The following GPHN variants were observed in gnomAD, a reference collection of about 807,000 sequenced individuals.
GPHN encodes the protein gephyrin.
Under a neutral mutation model 95.5 loss-of-function variants are expected in GPHN, and 17 were observed. The ratio of observed to expected loss-of-function variants is 0.18; its 90% CI spans 0.12 to 0.27. The LOEUF is 0.27. Ranked by LOEUF, GPHN falls within the 10% of genes least tolerant of loss-of-function variation. The pLI is 1.00. For synonymous variants in GPHN, 320 were observed against 322.5 expected (o/e 0.99, Z 0.08); for missense variants, 660 against 978.1 (o/e 0.67, Z 4.34).
At chr14:67,351,057 G>A in the GPHN span, among the ~76,000 whole-genome samples, 7 of 152,264 alleles carry the variant, frequency 4.6e-5, no homozygotes, top group African/African-American at 1.7e-4. Context: ...AGTACATCTG[G>A]AATATTTAAT....
intron 2 of GPHN, among the ~76,000 whole-genome samples, chr14:66,688,596 G>A (rs2067558697): frequency 6.6e-6 from 1 of 152,240 alleles, no homozygotes; most frequent in African/African-American, 2.4e-5. Flanking sequence ...AGTCTTTGAG[G>A]GGAGTCTTTA....
At chr14:67,214,151 C>CAGA in the GPHN span, among the ~76,000 whole-genome samples, 1 of 152,166 alleles carries the variant, frequency 6.6e-6, no homozygotes, top group South Asian at 2.1e-4. Flanking sequence ...TTTTGCTGTG[C>CAGA]AGAAGCTCTT....
chr14:66,690,902 G>C (rs1428195648), intron 2 of GPHN, among the ~76,000 whole-genome samples: 1 of 152,168 alleles, frequency 6.6e-6, no homozygotes, highest in East Asian at 1.9e-4. Flanking sequence ...ATGTATCCCT[G>C]TGGTTCAGTG....
At chr14:66,618,552 A>G (rs1373704779) in intron 1 of GPHN, among the ~76,000 whole-genome samples, 1 of 152,110 alleles carries the variant, frequency 6.6e-6, no homozygotes, top group Non-Finnish European at 1.5e-5. Flanking sequence ...TCTGTTTTTA[A>G]AAGGATTTTT....
At chr14:66,562,948 A>G (rs1034199137) in intron 1 of GPHN, among the ~76,000 whole-genome samples, 7 of 151,972 alleles carry the variant, frequency 4.6e-5, no homozygotes, top group South Asian at 4.2e-4. Context: ...CCTTATGCGA[A>G]AGTGGCGTAT....
chr14:67,534,994 T>C, the GPHN span, among the ~76,000 whole-genome samples: 1 of 152,202 alleles, frequency 6.6e-6, no homozygotes, highest in Non-Finnish European at 1.5e-5. Flanking sequence ...AATAAGATCA[T>C]GTAAAAGCCA....
chr14:67,165,600 A>T (rs2082231171), intron 20 of GPHN, among the ~76,000 whole-genome samples: 1 of 152,194 alleles, frequency 6.6e-6, no homozygotes, highest in Non-Finnish European at 1.5e-5. Context: ...CATAACCAGA[A>T]GTATTGTGCT....
chr14:67,735,088 G>A, the GPHN span: 1 of 734,642 alleles, frequency 1.4e-6, no homozygotes, highest in Non-Finnish European at 2.5e-6. Flanking sequence ...ATATCGGGAA[G>A]CTGAGCAGCA....
At chr14:67,132,331 A>G (rs750035806) in intron 17 of GPHN, among the ~76,000 whole-genome samples, 38 of 152,196 alleles carry the variant, frequency 2.5e-4, no homozygotes, top group Non-Finnish European at 4.4e-4. Flanking sequence ...TCTAATCATC[A>G]ACGATAATTT....
intron 8 of GPHN, among the ~76,000 whole-genome samples, chr14:66,939,079 A>G (rs1452956444): frequency 6.6e-6 from 1 of 152,214 alleles, no homozygotes; most frequent in Admixed American, 6.5e-5. Context: ...AAGACCCACA[A>G]TACAACTCTT....
intron 2 of GPHN, among the ~76,000 whole-genome samples, chr14:66,685,156 AC>A (rs2067260334): frequency 6.6e-6 from 1 of 152,140 alleles, no homozygotes; most frequent in South Asian, 2.1e-4. Flanking sequence ...TCATTGATGG[AC>A]ATTTGGGTTG....
chr14:66,667,053 TA>T (rs1244569680), intron 1 of GPHN, among the ~76,000 whole-genome samples: 1 of 152,038 alleles, frequency 6.6e-6, no homozygotes, highest in African/African-American at 2.4e-5. Context: ...ACAAAAAGAA[TA>T]AAATACCTAG....
the GPHN span, chr14:67,312,600 C>G: frequency 6.2e-6 from 10 of 1,613,568 alleles, no homozygotes; most frequent in Admixed American, 1.7e-4. Flanking sequence ...TTAGGTCTGT[C>G]TTTTCAAAAA....
At chr14:67,569,918 C>A in the GPHN span, 5 of 1,596,818 alleles carry the variant, frequency 3.1e-6, 1 homozygote, top group Non-Finnish European at 4.3e-6. Context: ...CTTCCCTGCT[C>A]AGCTTCAAGC....
intron 1 of GPHN, among the ~76,000 whole-genome samples, chr14:66,577,320 G>A (rs2140424777): frequency 6.6e-6 from 1 of 152,244 alleles, no homozygotes; most frequent in Non-Finnish European, 1.5e-5. Flanking sequence ...AAAACTTAGA[G>A]AATCCAAGGG....
At chr14:66,913,615 C>T (rs1370970676) in intron 5 of GPHN, among the ~76,000 whole-genome samples, 1 of 152,160 alleles carries the variant, frequency 6.6e-6, no homozygotes, top group Non-Finnish European at 1.5e-5. Flanking sequence ...GCTGGGATTA[C>T]AGGCATGAGC....
At chr14:67,522,669 G>C in the GPHN span, among the ~76,000 whole-genome samples, 1 of 152,198 alleles carries the variant, frequency 6.6e-6, no homozygotes, top group African/African-American at 2.4e-5. Flanking sequence ...GCTAGGTCCT[G>C]GGTTGGGGTA....
At chr14:67,579,414 C>A in the GPHN span, 2 of 943,960 alleles carry the variant, frequency 2.1e-6, no homozygotes, top group Non-Finnish European at 3.1e-6. Context: ...TCACTGTTGC[C>A]CCAGAAGTAG....
chr14:66,895,549 A>G (rs1271987074), intron 5 of GPHN, among the ~76,000 whole-genome samples: 2 of 152,172 alleles, frequency 1.3e-5, no homozygotes, highest in Non-Finnish European at 2.9e-5. Context: ...TGGAAATAAT[A>G]TTTTTGAAGT....
Sources: allele counts gnomAD v4.1 joint callset (sites outside exome capture counted in the v4.1 genomes callset), GRCh38; gene constraint gnomAD v4.1.1; transcripts MANE v1.5; gene names NCBI Gene and HGNC (gene_info 2026-07-23, HGNC 2026-07-21).